Variants in SCHIP1 observed in about 807,000 individuals in gnomAD.
The protein encoded by SCHIP1 is schwannomin-interacting protein 1.
In SCHIP1, 8 loss-of-function variants were observed where a neutral mutation model predicts 29.7. The ratio of observed to expected loss-of-function variants is 0.27; its 90% CI spans 0.16 to 0.49. The LOEUF (loss-of-function observed/expected upper bound fraction) is 0.49, where lower values mean the gene tolerates loss of function less well. Among genes scored for constraint, SCHIP1 ranks in the 20% least tolerant of loss-of-function variants. SCHIP1 has a pLI of 0.99. For missense variants in SCHIP1, 193 were observed against 294.6 expected, an observed-to-expected ratio of 0.66 and a Z score of 2.52; for synonymous variants, 76 against 94.9, an observed-to-expected ratio of 0.80 and a Z score of 1.16.
chr3:159,582,785 T>TACAC, the SCHIP1 span, among the ~76,000 whole-genome samples: 5,465 of 80,290 alleles, frequency 0.068, 113 homozygotes, highest in South Asian at 0.13. Context: ...GAAATATATA[T>TACAC]ATACACACAC....
the SCHIP1 span, among the ~76,000 whole-genome samples, chr3:159,320,986 A>T: frequency 9.2e-5 from 14 of 152,026 alleles, no homozygotes; most frequent in Non-Finnish European, 1.8e-4. Flanking sequence ...TTTTTTTGAG[A>T]CAGAATCTCT....
the SCHIP1 span, among the ~76,000 whole-genome samples, chr3:159,402,967 C>T: frequency 6.6e-6 from 1 of 151,850 alleles, no homozygotes; most frequent in Non-Finnish European, 1.5e-5. Flanking sequence ...GAAATATCTC[C>T]CCCGTAAGTT....
chr3:159,473,697 A>G, the SCHIP1 span, among the ~76,000 whole-genome samples: 3 of 150,834 alleles, frequency 2.0e-5, no homozygotes, highest in Admixed American at 2.0e-4. Context: ...AAAAAAAAGA[A>G]AAGAAAAGAA....
the SCHIP1 span, among the ~76,000 whole-genome samples, chr3:159,450,258 T>A: frequency 6.6e-6 from 1 of 152,204 alleles, no homozygotes; most frequent in South Asian, 2.1e-4. Flanking sequence ...AAATTTACAA[T>A]TAAGTGATGC....
chr3:159,786,693 G>GTGTGTGTA, the SCHIP1 span, among the ~76,000 whole-genome samples: 996 of 147,020 alleles, frequency 6.8e-3, 16 homozygotes, highest in East Asian at 0.029. Flanking sequence ...GTGTGTGTGT[G>GTGTGTGTA]TGTCTGCGCG....
At chr3:159,601,796 TG>T in the SCHIP1 span, among the ~76,000 whole-genome samples, 1 of 152,356 alleles carries the variant, frequency 6.6e-6, no homozygotes, top group African/African-American at 2.4e-5. Context: ...ACTAGAGTAC[TG>T]GGGACTTTGC....
chr3:159,413,163 T>G, the SCHIP1 span, among the ~76,000 whole-genome samples: 1 of 152,248 alleles, frequency 6.6e-6, no homozygotes, highest in African/African-American at 2.4e-5. Flanking sequence ...ACTGCCCCCA[T>G]TATTCAGTTA....
the SCHIP1 span, chr3:159,386,756 C>CT: frequency 6.6e-6 from 1 of 152,252 alleles, no homozygotes; most frequent in Non-Finnish European, 1.5e-5. Flanking sequence ...TATAAAAACA[C>CT]TATGTCATGG....
At chr3:159,361,435 A>G in the SCHIP1 span, among the ~76,000 whole-genome samples, 1 of 152,186 alleles carries the variant, frequency 6.6e-6, no homozygotes, top group African/African-American at 2.4e-5. Flanking sequence ...AAGCAGAGAG[A>G]GCAAGGGGCT....
the SCHIP1 span, among the ~76,000 whole-genome samples, chr3:159,806,642 G>T: frequency 6.6e-6 from 1 of 152,216 alleles, no homozygotes; most frequent in African/African-American, 2.4e-5. Flanking sequence ...GAGTTCTGGG[G>T]AACAGCAGCA....
At chr3:159,446,689 C>T in the SCHIP1 span, among the ~76,000 whole-genome samples, 4 of 152,122 alleles carry the variant, frequency 2.6e-5, no homozygotes, top group East Asian at 1.9e-4. Flanking sequence ...AAATGCAAAA[C>T]GCAACCAATA....
the SCHIP1 span, among the ~76,000 whole-genome samples, chr3:159,316,171 G>A: frequency 2.0e-5 from 3 of 151,886 alleles, no homozygotes; most frequent in African/African-American, 7.3e-5. Context: ...CTCTTAGAGC[G>A]ACAGAACTAA....
At chr3:159,632,855 G>A in the SCHIP1 span, among the ~76,000 whole-genome samples, 2 of 152,150 alleles carry the variant, frequency 1.3e-5, no homozygotes, top group African/African-American at 4.8e-5. Flanking sequence ...GGGGAGATGT[G>A]GACCCCTAGC....
the SCHIP1 span, among the ~76,000 whole-genome samples, chr3:159,374,645 A>G: frequency 2.0e-5 from 3 of 152,224 alleles, no homozygotes; most frequent in African/African-American, 7.2e-5. Flanking sequence ...ACAGTTATCT[A>G]TCATAATGAC....
the SCHIP1 span, among the ~76,000 whole-genome samples, chr3:159,443,934 A>G: frequency 9.2e-5 from 14 of 152,126 alleles, no homozygotes; most frequent in South Asian, 2.1e-4. Context: ...ACCAGTTTCC[A>G]TAGTGTAATT....
At chr3:159,818,473 C>G in the SCHIP1 span, among the ~76,000 whole-genome samples, 1 of 152,212 alleles carries the variant, frequency 6.6e-6, no homozygotes, top group African/African-American at 2.4e-5. Context: ...GTGTCATCCT[C>G]CCCAGGAAGG....
chr3:159,430,476 C>T, the SCHIP1 span, among the ~76,000 whole-genome samples: 116 of 152,278 alleles, frequency 7.6e-4, no homozygotes, highest in Non-Finnish European at 1.2e-3. Context: ...GTTCTATGCT[C>T]TCCACTTACT....
chr3:159,399,388 C>T, the SCHIP1 span, among the ~76,000 whole-genome samples: 19 of 152,066 alleles, frequency 1.2e-4, 1 homozygote, highest in Non-Finnish European at 1.3e-4. Flanking sequence ...TCTCCCACTG[C>T]AGGAAAGGAA....
chr3:159,426,527 T>C, the SCHIP1 span, among the ~76,000 whole-genome samples: 1 of 152,252 alleles, frequency 6.6e-6, no homozygotes, highest in South Asian at 2.1e-4. Flanking sequence ...GGAGCTGAAA[T>C]TGTGGCAATA....
Sources: allele counts gnomAD v4.1 joint callset (sites outside exome capture counted in the v4.1 genomes callset), GRCh38; gene constraint gnomAD v4.1.1; transcripts MANE v1.5; gene names NCBI Gene and HGNC (gene_info 2026-07-23, HGNC 2026-07-21).